DMXL1: variants seen among roughly 807,000 people sequenced by gnomAD.
The protein encoded by DMXL1 is dmX-like protein 1.
A neutral mutation model predicts 319.2 loss-of-function variants in DMXL1; 99 were observed. The observed-to-expected ratio is 0.31, with a 90% confidence interval of 0.26 to 0.37. The LOEUF is 0.37. DMXL1 is among the 10% of genes least tolerant of loss of function. DMXL1 has a pLI of 1.00. For missense variants in DMXL1, 3,745 were observed against 3,595.6 expected, an observed-to-expected ratio of 1.04 and a Z score of -1.06; for synonymous variants, 1,385 against 1,235.2, an observed-to-expected ratio of 1.12 and a Z score of -2.54.
intron 5 of DMXL1, among the ~76,000 whole-genome samples, chr5:119,113,731 G>T (rs1360932918): frequency 6.6e-6 from 1 of 152,154 alleles, no homozygotes; most frequent in Non-Finnish European, 1.5e-5. Context: ...ATTTCATTTG[G>T]TTTTTATCTA....
At position 119,181,735 on chromosome 5, in the gene DMXL1, C is replaced by T. The variant is rs184218909; in HGVS notation, c.7135+3491C>T. Reference sequence around the variant, plus strand: ...GCTGAGGCAGGAGAATCGCTTGAACCTGGGAGGTGGAGGTTGCAGTGAGCT... The same window carrying T: ...GCTGAGGCAGGAGAATCGCTTGAACTTGGGAGGTGGAGGTTGCAGTGAGCT... On this transcript the variant is annotated intron_variant, in intron 28 of 43. Transcript: ENST00000539542. Among the ~76,000 whole-genome samples the T allele has an allele frequency of 2.9e-3, 445 of 152,248 alleles. 1 individual carries two copies. The highest frequency in any genetic ancestry group is 9.8e-3 in the African/African-American group (408 of 41,554).
intron 13 of DMXL1, among the ~76,000 whole-genome samples, chr5:119,137,205 C>T (rs193123075): frequency 7.1e-4 from 108 of 152,368 alleles, no homozygotes; most frequent in African/African-American, 2.5e-3. Flanking sequence ...TAATGACTGC[C>T]TGGCCAGGTT....
At chr5:119,166,513 A>T (rs1022838591) in intron 21 of DMXL1, 103 bp from the exon 22 acceptor site, 2 of 929,846 alleles carry the variant, frequency 2.2e-6, no homozygotes, top group Non-Finnish European at 3.3e-6. Flanking sequence ...GAACTGGCAG[A>T]TGTTTCTATT....
At chr5:119,118,177 G>A (rs1160966679) in intron 7 of DMXL1, among the ~76,000 whole-genome samples, 1 of 152,188 alleles carries the variant, frequency 6.6e-6, no homozygotes, top group Non-Finnish European at 1.5e-5. Context: ...AGGGGGAAGT[G>A]TTTAGTACTT....
At chr5:119,232,587 A>AT (rs1393958018) in intron 38 of DMXL1, among the ~76,000 whole-genome samples, 1 of 152,200 alleles carries the variant, frequency 6.6e-6, no homozygotes, top group African/African-American at 2.4e-5. Flanking sequence ...CAGGAAGGAA[A>AT]TGGTCTCAGA....
chr5:119,155,412 G>T (rs1770791102), intron 19 of DMXL1, among the ~76,000 whole-genome samples: 1 of 152,190 alleles, frequency 6.6e-6, no homozygotes, highest in African/African-American at 2.4e-5. Context: ...GTTGATTCCA[G>T]CCTTCACAGA....
intron 23 of DMXL1, among the ~76,000 whole-genome samples, chr5:119,168,511 GA>G (rs899376447): frequency 4.6e-5 from 7 of 152,158 alleles, no homozygotes; most frequent in African/African-American, 1.7e-4. Flanking sequence ...ATACTAATTG[GA>G]AAAGGGTCTA....
intron 14 of DMXL1, 63 bp from the exon 15 acceptor site, chr5:119,144,473 G>A: frequency 1.7e-6 from 2 of 1,144,710 alleles, no homozygotes; most frequent in Non-Finnish European, 2.5e-6. Flanking sequence ...TTATTTTTCT[G>A]GCTATTTAGC....
intron 19 of DMXL1, among the ~76,000 whole-genome samples, chr5:119,158,912 GT>G (rs2150191327): frequency 6.6e-6 from 1 of 152,176 alleles, no homozygotes; most frequent in South Asian, 2.1e-4. Flanking sequence ...TTTTACATTT[GT>G]ATTTATCAGG....
chr5:119,144,000 A>G, intron 14 of DMXL1, 70 bp downstream of exon 14: 1 of 965,136 alleles, frequency 1.0e-6, no homozygotes, highest in Non-Finnish European at 1.6e-6. Context: ...TAAAATCTAT[A>G]TATTAATGTA....
chr5:119,105,724 T>C (rs915913326), intron 4 of DMXL1, among the ~76,000 whole-genome samples: 2 of 151,972 alleles, frequency 1.3e-5, no homozygotes, highest in Non-Finnish European at 2.9e-5. Flanking sequence ...GGAGAAACCC[T>C]GTCTCTACTA....
chr5:119,147,594 A>C (rs1768866552), intron 17 of DMXL1, 124 bp downstream of exon 17: 1 of 640,162 alleles, frequency 1.6e-6, no homozygotes. Context: ...TAATATATTC[A>C]AGTACCCTAA....
chr5:119,149,615 CA>C lies in DMXL1; in HGVS notation c.3790del (p.Ser1264ValfsTer2). ...DSYSGSTPSITSLIKQSNSSS... is the reference protein window; with the variant it reads ...DSYSGSTPSIXSLIKQSNSSS... ...TACAGTGGGAGCACTCCATCTATAA[CA>C]AGTTTAATAAAACAGAGTAACTCCA... On this transcript the variant is annotated frameshift_variant, in exon 18 of 44. Coordinates refer to ENST00000539542, the MANE Select transcript of DMXL1 (RefSeq NM_001290321.3). LOFTEE classifies it high-confidence loss of function. The C allele has an allele frequency of 6.2e-7, 1 of 1,613,900 alleles. No individual in the cohort carries two copies. The highest frequency in any genetic ancestry group is 8.5e-7 in the Non-Finnish European group (1 of 1,179,904).
chr5:119,137,700 C>T (rs1766340540), intron 13 of DMXL1, among the ~76,000 whole-genome samples: 1 of 152,124 alleles, frequency 6.6e-6, no homozygotes, highest in Non-Finnish European at 1.5e-5. Context: ...TTCCTGCCAC[C>T]TTGTGAAGAA....
At chr5:119,242,930 C>A (rs1490679066) in intron 42 of DMXL1, among the ~76,000 whole-genome samples, 7 of 152,120 alleles carry the variant, frequency 4.6e-5, no homozygotes, top group African/African-American at 7.2e-5. Context: ...ACAGACCTCA[C>A]CTTTCATAAA....
intron 40 of DMXL1, among the ~76,000 whole-genome samples, chr5:119,238,696 C>T (rs1788202098): frequency 6.6e-6 from 1 of 152,068 alleles, no homozygotes. Context: ...ATATATGCAG[C>T]CTACTTAAAT....
At chr5:119,224,054 C>T (rs181621788) in intron 37 of DMXL1, among the ~76,000 whole-genome samples, 39 of 152,144 alleles carry the variant, frequency 2.6e-4, no homozygotes, top group African/African-American at 9.4e-4. Context: ...CTCTTCTTTT[C>T]TCTGGCCTAG....
At chr5:119,173,672 A>ATGTGTGTGTGTGTGTGTG (rs771056976) in intron 25 of DMXL1, among the ~76,000 whole-genome samples, 83 of 110,212 alleles carry the variant, frequency 7.5e-4, no homozygotes, top group African/African-American at 2.4e-3. Context: ...AGTAGGATGT[A>ATGTGTGTGTGTGTGTGTG]TGTGTGTGTG....
At chr5:119,126,618 CAAAA>C (rs573967667) in intron 9 of DMXL1, among the ~76,000 whole-genome samples, 33 of 152,014 alleles carry the variant, frequency 2.2e-4, no homozygotes, top group Admixed American at 2.2e-3. Flanking sequence ...ATAACAATAA[CAAAA>C]AAAATTTTTG....
Sources: gnomAD v4.1 joint callset for allele counts (sites outside exome capture counted in the v4.1 genomes callset) on GRCh38, gnomAD v4.1.1 for gene constraint, MANE v1.5 for transcripts, NCBI Gene and HGNC (gene_info 2026-07-23, HGNC 2026-07-21) for gene names.